LRRC15: variants seen among roughly 807,000 people sequenced by gnomAD.
LRRC15 encodes the protein leucine rich repeat containing 15.
LRRC15 carries 5 observed loss-of-function variants against 4.3 expected under a neutral mutation model. That is an observed-to-expected ratio of 1.16 (90% CI 0.61 to 2.44). LRRC15 has a LOEUF of 2.44. Ranked by LOEUF, LRRC15 falls within the 30% of genes most tolerant of loss-of-function variation. The pLI, the probability that LRRC15 is intolerant of heterozygous loss-of-function variation, is 0.01. For synonymous variants in LRRC15, 337 were observed against 323.2 expected, an observed-to-expected ratio of 1.04 and a Z score of -0.46; for missense variants, 769 against 747.0, an observed-to-expected ratio of 1.03 and a Z score of -0.34.
At chr3:194,363,445 G>A in intron 1 of LRRC15, 1 of 669,874 alleles carries the variant, frequency 1.5e-6, no homozygotes, top group Non-Finnish European at 2.7e-6. Context: ...ATAGACAAAT[G>A]TCAGGTCCAG....
At chr3:194,361,113 A>G (rs1713618007) in intron 1 of LRRC15, 67 bp from the exon 2 acceptor site, 5 of 1,340,840 alleles carry the variant, frequency 3.7e-6, no homozygotes, top group Non-Finnish European at 4.0e-6. Flanking sequence ...TTTTAAGCCA[A>G]CATCAACTCC....
At chr3:194,367,840 T>C (rs556792540) in intron 1 of LRRC15, among the ~76,000 whole-genome samples, 29 of 152,392 alleles carry the variant, frequency 1.9e-4, no homozygotes, top group South Asian at 4.1e-4. Flanking sequence ...ATGTTGCTTA[T>C]TGTTTGAAAA....
At position 194,359,235 on chromosome 3, in the gene LRRC15, G is replaced by A; in HGVS notation, c.*63C>T. 1.4e-6 allele frequency: 2 copies of A among 1,454,422 alleles called. No individual in the cohort carries two copies. The highest frequency in any genetic ancestry group is 9.3e-7 in the Non-Finnish European group (1 of 1,080,500). 90.1% of individuals were successfully genotyped at this position (1,454,422 alleles called of 1,614,324 possible). ...CTCCATGGACCCAGGGGTGGAGGCA[G>A]AAAGATGAAATTCCCAGGTCCTCCA... is the stretch of plus-strand genomic sequence containing the variant. On this transcript the variant is annotated 3_prime_UTR_variant, in exon 2 of 2. Transcript: ENST00000347624.
intron 1 of LRRC15, among the ~76,000 whole-genome samples, chr3:194,362,325 T>C (rs1243029777): frequency 6.6e-6 from 1 of 152,132 alleles, no homozygotes; most frequent in Non-Finnish European, 1.5e-5. Context: ...GAGGAGCGAA[T>C]GCGGAAAGGA....
chr3:194,361,472 G>A (rs1267103046), intron 1 of LRRC15, among the ~76,000 whole-genome samples: 7 of 152,198 alleles, frequency 4.6e-5, no homozygotes, highest in East Asian at 3.9e-4. Flanking sequence ...AGCTTTCCAC[G>A]GACAGGGAGT....
At position 194,359,882 on chromosome 3, in the gene LRRC15, C is replaced by T. The variant is rs961667767; in HGVS notation, c.1162G>A (p.Val388Ile). Reference protein sequence around the residue: ...RQLPGNIFANVNGLMAIQLQN... With the variant: ...RQLPGNIFANINGLMAIQLQN... ...AGCTGGATGGCCATGAGGCCATTGA[C>T]GTTGGCGAAGATATTCCCTGGGAGC... Residue 388 changes from valine (V) to isoleucine (I), a missense_variant, in exon 2 of 2, where the codon GTC (valine) becomes ATC (isoleucine). Transcript: ENST00000347624. 11 of 1,614,128 alleles carry T rather than the reference C, an allele frequency of 6.8e-6. No homozygotes were observed. In the African/African-American group the frequency reaches 8.0e-5, roughly 12 times the overall value.
At chr3:194,368,666 A>G (rs1360682511) in intron 1 of LRRC15, among the ~76,000 whole-genome samples, 1 of 152,056 alleles carries the variant, frequency 6.6e-6, no homozygotes, top group Non-Finnish European at 1.5e-5. Flanking sequence ...CGTGGCAGAC[A>G]GGCACCTGGC....
At position 194,359,975 on chromosome 3, in the gene LRRC15, C is replaced by G. The variant is rs895066664; in HGVS notation, c.1069G>C (p.Asp357His). The G allele has an allele frequency of 6.2e-7, 1 of 1,614,102 alleles. No homozygotes were observed. The highest frequency in any genetic ancestry group is 1.3e-5 in the African/African-American group (1 of 74,932). The change falls in exon 2 of 2, where the codon GAC becomes CAC. Residue 357 changes from aspartate (D) to histidine (H), a missense_variant. Physicochemically the swap from Asp to His is moderately conservative, Grantham distance 81. Transcript: ENST00000347624. Reference sequence around the variant, plus strand: ...GCCAACATGCGGAAGACGTTCCCGTCCAGGTCCTGCAGTGCGTTGGTGTGG... The same window carrying G: ...GCCAACATGCGGAAGACGTTCCCGTGCAGGTCCTGCAGTGCGTTGGTGTGG... ...SLHTNALQDLDGNVFRMLANL... is the reference protein window; with the variant it reads ...SLHTNALQDLHGNVFRMLANL...
chr3:194,367,159 C>T (rs534875245), intron 1 of LRRC15, among the ~76,000 whole-genome samples: 2 of 152,298 alleles, frequency 1.3e-5, no homozygotes, highest in Middle Eastern at 3.4e-3. Flanking sequence ...TTCAATTCCA[C>T]CTGAGTCTCC....
chr3:194,365,503 G>C (rs4974515), intron 1 of LRRC15, among the ~76,000 whole-genome samples: 38,558 of 152,084 alleles, frequency 0.25, 5,208 homozygotes, highest in African/African-American at 0.3. Context: ...TTGGAGGGAG[G>C]CTGGAAGACC....
chr3:194,368,465 G>A (rs1263780208), intron 1 of LRRC15, among the ~76,000 whole-genome samples: 2 of 152,120 alleles, frequency 1.3e-5, no homozygotes, highest in Non-Finnish European at 2.9e-5. Context: ...AGCCCGCCCA[G>A]CTGACTCAAG....
chr3:194,363,859 A>G lies in LRRC15; in HGVS notation c.-3-2813T>C, dbSNP rs938917398. On this transcript the variant is annotated intron_variant, in intron 1 of 1. Transcript: ENST00000347624. The stretch of plus-strand genomic sequence containing the variant: ...AAAAATTAAATTAAAATTAAAATGA[A>G]GGAGCTGTGGATGAATAAATAACCA... Among the ~76,000 whole-genome samples the G allele has an allele frequency of 2.6e-5, 4 of 152,188 alleles. 1 individual carries two copies. The South Asian group carries it at 8.3e-4, about 32-fold the overall frequency.
rs1381233551 is a variant in LRRC15 at position 194,356,309 on chromosome 3, C to T, written c.*2989G>A. 1.3e-5 allele frequency: 2 copies of T among 152,214 alleles called. No homozygotes were observed. Among genetic ancestry groups the T allele is most frequent in the Non-Finnish European group, 2.9e-5 (2 of 68,042 alleles). The allele number at this position is 152,214 out of a possible 1,614,324, so 9.4% of individuals were successfully genotyped here. ...TGTTGTTTCTTCTCCAACACTGACT[C>T]CCAGCTCCCACTCCAGATGGGCGTG... On this transcript the variant is annotated 3_prime_UTR_variant, in exon 2 of 2. Coordinates refer to ENST00000347624, the MANE Select transcript of LRRC15 (RefSeq NM_130830.5).
At position 194,360,257 on chromosome 3, in the gene LRRC15, T is replaced by G; in HGVS notation, c.787A>C (p.Ser263Arg). ...AGCTGGGGCAGCTGCATGAAGACGC[T>G]GGGTGGCAGCTGGGAGATGTGGTTG... ...SNNHISQLPP[S>R]VFMQLPQLNR... The change falls in exon 2 of 2, where the codon AGC becomes CGC. Residue 263 changes from serine to arginine, a missense_variant. Transcript: ENST00000347624. 6.2e-7 allele frequency: 1 copy of G among 1,613,706 alleles called. No homozygotes were observed. The highest frequency in any genetic ancestry group is 8.5e-7 in the Non-Finnish European group (1 of 1,179,730).
Position 194,362,934 on chromosome 3 carries a change from A to ATTT in LRRC15, c.-3-1891_-3-1889dup, listed in dbSNP as rs1162019236. On this transcript the variant is annotated intron_variant, in intron 1 of 1. Coordinates refer to ENST00000347624, the MANE Select transcript of LRRC15 (RefSeq NM_130830.5). Reference sequence around the variant, plus strand: ...CCATTCCCCAACCACACAGACCTTGATTTTGTTTTTTTTTTTTTTTTTTTT... The same window carrying ATTT: ...CCATTCCCCAACCACACAGACCTTGATTTTTTTGTTTTTTTTTTTTTTTTTTTT... Among the ~76,000 whole-genome samples, 21 of 114,752 alleles carry ATTT rather than the reference A, an allele frequency of 1.8e-4. 2 individuals carry two copies. Among genetic ancestry groups the ATTT allele is most frequent in the Non-Finnish European group, 2.3e-4 (13 of 57,580 alleles). The allele number at this position is 114,752 out of a possible 152,430, so 75.3% of individuals were successfully genotyped here.
At position 194,360,477 on chromosome 3, in the gene LRRC15, T is replaced by C; in HGVS notation, c.567A>G (p.Ser189=). ...TGCCCAGGTGCTGGAAGACCCTGGGTGAGATGTGGGTGAGGCTATTCTTGC... is the reference window on the plus strand; with the variant it reads ...TGCCCAGGTGCTGGAAGACCCTGGGCGAGATGTGGGTGAGGCTATTCTTGC... ...NLGKNSLTHI[S]PRVFQHLGNL... is the part of the protein sequence containing the mutation. The change falls in exon 2 of 2, where the codon TCA becomes TCG. Residue 189 remains serine, a synonymous_variant. Coordinates refer to ENST00000347624, the MANE Select transcript of LRRC15 (RefSeq NM_130830.5). 6.2e-7 allele frequency: 1 copy of C among 1,613,522 alleles called. No individual in the cohort carries two copies. The highest frequency in any genetic ancestry group is 1.1e-5 in the South Asian group (1 of 91,040).
rs373354505 is a variant in LRRC15, at chr3:194,360,952, C to A, written c.92G>T (p.Cys31Phe). 8 of 1,585,684 alleles carry A rather than the reference C, an allele frequency of 5.0e-6. No homozygotes were observed. Among genetic ancestry groups the A allele is most frequent in the Admixed American group, 1.7e-5 (1 of 58,802 alleles). ...AYHGCPSECT[C>F]SRASQVECTG... is the part of the protein sequence containing the mutation. Reference sequence around the variant, plus strand: ...GCACTCCACCTGGGAGGCCCTGGAGCAGGTACACTCGCTAGGGCAGCCATG... The same window carrying A: ...GCACTCCACCTGGGAGGCCCTGGAGAAGGTACACTCGCTAGGGCAGCCATG... Residue 31 changes from cysteine to phenylalanine, a missense_variant, in exon 2 of 2, where the codon TGC (cysteine) becomes TTC (phenylalanine). Physicochemically the swap from Cys to Phe is radical, Grantham distance 205 (BLOSUM62 -2). Coordinates refer to ENST00000347624, the MANE Select transcript of LRRC15 (RefSeq NM_130830.5).
intron 1 of LRRC15, among the ~76,000 whole-genome samples, chr3:194,362,939 GTTTTTTTTTT>G (rs140437995): frequency 1.3e-5 from 1 of 78,372 alleles, no homozygotes; most frequent in Non-Finnish European, 2.7e-5. Flanking sequence ...CCTTGATTTT[GTTTTTTTTTT>G]TTTTTTTTTT....
rs148152306 is a variant in LRRC15, at chr3:194,359,991, G to T, written c.1053C>A (p.Asn351Lys). The change falls in exon 2 of 2, where the codon AAC becomes AAA. Residue 351 changes from asparagine (N) to lysine (K), a missense_variant. By Grantham distance (94) the Asn-to-Lys change is moderately conservative. Transcript: ENST00000347624. ...TELRELSLHT[N>K]ALQDLDGNVF... ...CGTTCCCGTCCAGGTCCTGCAGTGC[G>T]TTGGTGTGGAGGGACAGCTCCCGAA... The T allele has an allele frequency of 6.2e-7, 1 of 1,614,098 alleles. No homozygotes were observed. Among genetic ancestry groups the T allele is most frequent in the South Asian group, 1.1e-5 (1 of 91,090 alleles).
Sources: allele counts gnomAD v4.1 joint callset (sites outside exome capture counted in the v4.1 genomes callset), GRCh38; gene constraint gnomAD v4.1.1; transcripts MANE v1.5; gene names NCBI Gene and HGNC (gene_info 2026-07-23, HGNC 2026-07-21).